The following DRC2 variants were observed in gnomAD, a reference collection of about 807,000 sequenced individuals.
DRC2 encodes the protein dynein regulatory complex subunit 2, also known as coiled-coil domain containing 65.
chr12:48,918,891 G>T, the DRC2 span: 1 of 1,612,712 alleles, frequency 6.2e-7, no homozygotes, highest in Non-Finnish European at 8.5e-7. Context: ...CCCTGAGAAA[G>T]ATTGTTGATA....
the DRC2 span, chr12:48,904,381 G>C: frequency 6.2e-7 from 1 of 1,614,082 alleles, no homozygotes; most frequent in Non-Finnish European, 8.5e-7. Flanking sequence ...TGTCCGATGA[G>C]AAGCAGCTGC....
the DRC2 span, chr12:48,905,142 G>C: frequency 1.3e-6 from 2 of 1,562,452 alleles, no homozygotes; most frequent in East Asian, 4.5e-5. Flanking sequence ...GAAACCTTGA[G>C]TATGGCTTCC....
chr12:48,920,941 C>T, the DRC2 span: 1 of 1,611,930 alleles, frequency 6.2e-7, no homozygotes, highest in Non-Finnish European at 8.5e-7. Flanking sequence ...GTGAAAAGAT[C>T]CTTAAACTTG....
chr12:48,916,560 G>C, the DRC2 span, among the ~76,000 whole-genome samples: 7 of 152,242 alleles, frequency 4.6e-5, no homozygotes, highest in African/African-American at 9.6e-5. Flanking sequence ...GTATAGTCCA[G>C]CTTCGGCTCG....
At chr12:48,906,644 C>T in the DRC2 span, among the ~76,000 whole-genome samples, 230 of 151,988 alleles carry the variant, frequency 1.5e-3, no homozygotes, top group Non-Finnish European at 2.7e-3. Flanking sequence ...CGGCTCACTG[C>T]AACCTCTGCC....
the DRC2 span, among the ~76,000 whole-genome samples, chr12:48,909,309 C>T: frequency 1.3e-5 from 2 of 152,076 alleles, no homozygotes; most frequent in African/African-American, 4.8e-5. Flanking sequence ...TCCCAAAGTG[C>T]TGGGTATTAC....
At chr12:48,921,099 G>A in the DRC2 span, 1 of 1,610,516 alleles carries the variant, frequency 6.2e-7, no homozygotes, top group African/African-American at 1.3e-5. Context: ...CCCGGGGGAT[G>A]GTGGGGCATT....
chr12:48,916,758 T>C, the DRC2 span, among the ~76,000 whole-genome samples: 12 of 152,178 alleles, frequency 7.9e-5, no homozygotes, highest in African/African-American at 2.9e-4. Context: ...TTTTTTTGTA[T>C]CACATGAATG....
chr12:48,915,318 T>C, the DRC2 span, among the ~76,000 whole-genome samples: 16,205 of 144,672 alleles, frequency 0.11, 1,129 homozygotes, highest in African/African-American at 0.23. Flanking sequence ...TGACTCTTAA[T>C]GAGCATGCTG....
At chr12:48,918,844 G>A in the DRC2 span, 3 of 1,614,104 alleles carry the variant, frequency 1.9e-6, no homozygotes, top group Middle Eastern at 1.6e-4. Flanking sequence ...GAAGAACTTA[G>A]TCAGACTCAC....
the DRC2 span, among the ~76,000 whole-genome samples, chr12:48,912,280 A>T: frequency 1.0e-3 from 152 of 151,490 alleles, 1 homozygote; most frequent in African/African-American, 3.6e-3. Context: ...AAATAAAAAA[A>T]TTAGCTGGCC....
At chr12:48,914,394 T>C in the DRC2 span, 1 of 1,585,212 alleles carries the variant, frequency 6.3e-7, no homozygotes, top group South Asian at 1.1e-5. Context: ...ACTCTCTCTT[T>C]CTGGCCTAGT....
At chr12:48,906,446 C>T in the DRC2 span, among the ~76,000 whole-genome samples, 1 of 151,912 alleles carries the variant, frequency 6.6e-6, no homozygotes, top group East Asian at 1.9e-4. Flanking sequence ...CCACCACGCC[C>T]ACTAATTTTG....
the DRC2 span, among the ~76,000 whole-genome samples, chr12:48,908,546 C>G: frequency 6.6e-6 from 1 of 150,680 alleles, no homozygotes; most frequent in African/African-American, 2.4e-5. Flanking sequence ...TGAACTGCCT[C>G]TAGATTCTCT....
the DRC2 span, chr12:48,905,099 G>C: frequency 6.2e-7 from 1 of 1,607,602 alleles, no homozygotes; most frequent in Non-Finnish European, 8.5e-7. Flanking sequence ...GGACTGTAAG[G>C]ACAATGTCAT....
At chr12:48,906,373 G>A in the DRC2 span, among the ~76,000 whole-genome samples, 1 of 148,970 alleles carries the variant, frequency 6.7e-6, no homozygotes, top group Non-Finnish European at 1.5e-5. Context: ...GCGCAGTCTT[G>A]GCTCACTGCA....
the DRC2 span, among the ~76,000 whole-genome samples, chr12:48,908,101 T>A: frequency 6.6e-6 from 1 of 152,088 alleles, no homozygotes; most frequent in East Asian, 1.9e-4. Context: ...CTGGCTAAAT[T>A]TTTAAATTAT....
At chr12:48,904,965 A>C in the DRC2 span, 1 of 1,607,842 alleles carries the variant, frequency 6.2e-7, no homozygotes, top group African/African-American at 1.3e-5. Context: ...GCCAAGGAGG[A>C]ACACAACAGT....
chr12:48,915,162 G>A, the DRC2 span, among the ~76,000 whole-genome samples: 2 of 149,638 alleles, frequency 1.3e-5, no homozygotes, highest in Admixed American at 1.3e-4. Flanking sequence ...CTCACAGAGG[G>A]GGATTTGGCA....
Sources: gnomAD v4.1 joint callset for allele counts (sites outside exome capture counted in the v4.1 genomes callset) on GRCh38, gnomAD v4.1.1 for gene constraint, MANE v1.5 for transcripts, NCBI Gene and HGNC (gene_info 2026-07-23, HGNC 2026-07-21) for gene names.